Variants in MARCHF1 observed in about 807,000 individuals in gnomAD.
The protein encoded by MARCHF1 is E3 ubiquitin-protein ligase MARCHF1.
A neutral mutation model predicts 54.2 loss-of-function variants in MARCHF1; 40 were observed. That is an observed-to-expected ratio of 0.74 (90% confidence interval 0.57 to 0.96). The LOEUF is 0.96. MARCHF1 is among the 40% of genes least tolerant of loss of function. The probability of loss-of-function intolerance (pLI) is 0.00; values close to 1 mark genes in which losing one functional copy is unlikely to be tolerated. For synonymous variants in MARCHF1, 236 were observed against 236.3 expected (o/e 1.00, Z 0.01); for missense variants, 586 against 656.5 (o/e 0.89, Z 1.17).
At chr4:164,139,865 TAG>T (rs1560922423) in intron 1 of MARCHF1, among the ~76,000 whole-genome samples, 1 of 152,046 alleles carries the variant, frequency 6.6e-6, no homozygotes, top group Non-Finnish European at 1.5e-5. Context: ...ATTAGGAAAA[TAG>T]AGATATTAAA....
At chr4:164,327,447 G>C (rs2110788236) in intron 1 of MARCHF1, among the ~76,000 whole-genome samples, 1 of 152,294 alleles carries the variant, frequency 6.6e-6, no homozygotes. Flanking sequence ...TGGAGCTAAA[G>C]TCGGGGCAAG....
chr4:163,587,819 A>T (rs6536736), intron 7 of MARCHF1, among the ~76,000 whole-genome samples: 85,731 of 150,218 alleles, frequency 0.57, 25,311 homozygotes, highest in African/African-American at 0.72. Flanking sequence ...TAAACTTTTT[A>T]AAAAAATCTA....
intron 3 of MARCHF1, among the ~76,000 whole-genome samples, chr4:163,878,715 A>T (rs1244670023): frequency 6.6e-6 from 1 of 152,196 alleles, no homozygotes; most frequent in Non-Finnish European, 1.5e-5. Context: ...CATCTTCAGT[A>T]GTTTGTGGTT....
intron 1 of MARCHF1, among the ~76,000 whole-genome samples, chr4:164,196,656 GGAC>G (rs1731267387): frequency 2.0e-5 from 3 of 151,754 alleles, no homozygotes; most frequent in African/African-American, 7.3e-5. Flanking sequence ...TGGACTAAAA[GGAC>G]TATACTTAAA....
At chr4:164,334,416 A>G (rs1729673311) in intron 1 of MARCHF1, among the ~76,000 whole-genome samples, 3 of 152,164 alleles carry the variant, frequency 2.0e-5, no homozygotes, top group Admixed American at 2.0e-4. Context: ...TACTAAATCT[A>G]ATCTTCCTAT....
chr4:163,603,474 A>G (rs1167525414), intron 7 of MARCHF1, among the ~76,000 whole-genome samples: 8 of 152,096 alleles, frequency 5.3e-5, no homozygotes, highest in East Asian at 1.9e-4. Context: ...GCTTTCACCA[A>G]TGCTTATCTA....
intron 2 of MARCHF1, among the ~76,000 whole-genome samples, chr4:164,014,598 G>A (rs770047783): frequency 2.2e-4 from 34 of 151,922 alleles, no homozygotes; most frequent in Non-Finnish European, 4.3e-4. Flanking sequence ...GACATAGAGT[G>A]GTGGAATCAA....
chr4:164,018,659 A>T (rs1039314407), intron 2 of MARCHF1, among the ~76,000 whole-genome samples: 47 of 152,246 alleles, frequency 3.1e-4, no homozygotes, highest in Middle Eastern at 3.4e-3. Context: ...AACATATTTT[A>T]AAAAGTTATA....
Position 163,709,354 on chromosome 4 carries a change from T to C in MARCHF1, c.112-8491A>G, listed in dbSNP as rs146517209. ...ACTTTGGGAGGCCAAGATGGGAAGA[T>C]AGCTTGAGCCCAGGAGTTCAAGACC... On this transcript the variant is annotated intron_variant, in intron 4 of 9. Coordinates refer to ENST00000514618, the MANE Select transcript of MARCHF1 (RefSeq NM_001394959.1). Among the ~76,000 whole-genome samples, 715 of 152,232 alleles carry C rather than the reference T, an allele frequency of 4.7e-3. 3 individuals carry two copies. Among genetic ancestry groups the C allele is most frequent in the African/African-American group, 0.017 (686 of 41,552 alleles).
chr4:164,352,219 T>G (rs2110889258), intron 1 of MARCHF1, among the ~76,000 whole-genome samples: 1 of 118,072 alleles, frequency 8.5e-6, no homozygotes, highest in East Asian at 2.4e-4. Flanking sequence ...TTCCCCAATC[T>G]AGCAAGGCAG....
intron 4 of MARCHF1, among the ~76,000 whole-genome samples, chr4:163,778,169 TTGG>T (rs4056992): frequency 0.47 from 71,612 of 151,766 alleles, 17,311 homozygotes; most frequent in East Asian, 0.83. Context: ...TATTTAGCAG[TTGG>T]TGGACATTTT....
rs548916723 is a variant in MARCHF1 at position 163,802,025 on chromosome 4, T to C, written c.111+51996A>G. Among the ~76,000 whole-genome samples, 11 of 152,260 alleles carry C rather than the reference T, an allele frequency of 7.2e-5. No individual in the cohort carries two copies. The South Asian group carries it at 2.3e-3, about 32-fold the overall frequency. On this transcript the variant is annotated intron_variant, in intron 4 of 9. Coordinates refer to ENST00000514618, the MANE Select transcript of MARCHF1 (RefSeq NM_001394959.1). ...CCGGAAATCTCACAGACTTACAGAT[T>C]TGACAATCCTATTTCAGGAAACTGT...
chr4:164,026,663 T>C (rs1753774312), intron 2 of MARCHF1, among the ~76,000 whole-genome samples: 2 of 152,120 alleles, frequency 1.3e-5, no homozygotes, highest in African/African-American at 4.8e-5. Context: ...ACCATTCTCC[T>C]TGAAAACTGG....
intron 8 of MARCHF1, among the ~76,000 whole-genome samples, chr4:163,569,963 T>C (rs918323539): frequency 1.3e-5 from 2 of 152,224 alleles, no homozygotes; most frequent in Admixed American, 6.5e-5. Flanking sequence ...CAAGGCTACT[T>C]GTTTTTATTA....
rs564918822 is a variant in MARCHF1 at position 163,718,817 on chromosome 4, C to G, written c.112-17954G>C. Among the ~76,000 whole-genome samples the G allele has an allele frequency of 1.1e-3, 170 of 152,130 alleles. 1 individual carries two copies. Among genetic ancestry groups the G allele is most frequent in the Admixed American group, 5.4e-3 (83 of 15,274 alleles). On this transcript the variant is annotated intron_variant, in intron 4 of 9. Transcript: ENST00000514618. ...CCAACTTTCTGAAGAAGAAACTTCT[C>G]CTATTTAACTCCAACCTCATGACTC...
chr4:164,224,422 T>A (rs577001278), intron 1 of MARCHF1, among the ~76,000 whole-genome samples: 1 of 151,972 alleles, frequency 6.6e-6, no homozygotes, highest in Non-Finnish European at 1.5e-5. Flanking sequence ...CTTACCTCTC[T>A]TGCTATTTGA....
chr4:163,915,409 A>G (rs1263356870), intron 3 of MARCHF1, among the ~76,000 whole-genome samples: 1 of 152,148 alleles, frequency 6.6e-6, no homozygotes, highest in Admixed American at 6.6e-5. Context: ...AGATTATGAA[A>G]AACTGAGAAA....
intron 4 of MARCHF1, among the ~76,000 whole-genome samples, chr4:163,709,719 A>G (rs760850535): frequency 2.9e-4 from 44 of 152,326 alleles, no homozygotes; most frequent in Non-Finnish European, 3.7e-4. Context: ...TTGTAGTTAC[A>G]ACACTTGCAT....
intron 1 of MARCHF1, among the ~76,000 whole-genome samples, chr4:164,203,212 A>G (rs1375185696): frequency 6.6e-6 from 1 of 152,156 alleles, no homozygotes; most frequent in African/African-American, 2.4e-5. Flanking sequence ...TATTAACCAC[A>G]GGGAAGGAAG....
Sources: gnomAD v4.1 joint callset for allele counts (sites outside exome capture counted in the v4.1 genomes callset) on GRCh38, gnomAD v4.1.1 for gene constraint, MANE v1.5 for transcripts, NCBI Gene and HGNC (gene_info 2026-07-23, HGNC 2026-07-21) for gene names.